The following NECAB2 variants were observed in gnomAD, a reference collection of about 807,000 sequenced individuals.
NECAB2 encodes N-terminal EF-hand calcium-binding protein 2.
A neutral mutation model predicts 51.9 loss-of-function variants in NECAB2; 68 were observed. The ratio of observed to expected loss-of-function variants is 1.31; its 90% CI spans 1.08 to 1.60. The LOEUF (loss-of-function observed/expected upper bound fraction) is 1.60. NECAB2 is among the 40% of genes most tolerant of loss of function. The pLI, the probability that NECAB2 is intolerant of heterozygous loss-of-function variation, is 0.00. For missense variants in NECAB2, 854 were observed against 490.3 expected (o/e 1.74, Z -7.00); for synonymous variants, 329 against 203.5 (o/e 1.62, Z -5.25).
At position 84,002,330 on chromosome 16, in the gene NECAB2, C is replaced by G. The variant is rs760068599; in HGVS notation, c.1145C>G (p.Thr382Arg). 10 of 1,613,824 alleles carry G rather than the reference C, an allele frequency of 6.2e-6. No homozygotes were observed. The highest frequency in any genetic ancestry group is 8.5e-6 in the Non-Finnish European group (10 of 1,179,906). ...TCTCTCCTTTTAGCTGCTTGGTGCA[C>G]GGTGGGACGGGACTGACAGCCTCCC... ...SRILVPAAWC[T>R]VGRD The change falls in exon 13 of 13, where the codon ACG becomes AGG. Residue 382 changes from threonine (T) to arginine (R), a missense_variant. By Grantham distance (71) the Thr-to-Arg change is moderately conservative (BLOSUM62 -1). Transcript: ENST00000305202.
At chr16:83,968,087 T>C (rs1279461919), upstream of NECAB2, among the ~76,000 whole-genome samples, 4 of 151,664 alleles carry the variant, frequency 2.6e-5, no homozygotes, top group Non-Finnish European at 4.4e-5. Flanking sequence ...TTCTGGGCGT[T>C]TTGTAACCAA....
intron 1 of NECAB2, 122 bp from the exon 2 acceptor site, chr16:83,972,029 C>T (rs1180879281): frequency 8.9e-6 from 12 of 1,350,770 alleles, no homozygotes; most frequent in Admixed American, 5.8e-5. Flanking sequence ...AAGGGGGGCT[C>T]AGCTTCCCAG....
chr16:83,985,439 C>T (rs895507402), intron 5 of NECAB2, among the ~76,000 whole-genome samples: 67 of 150,748 alleles, frequency 4.4e-4, no homozygotes, highest in African/African-American at 1.6e-3. Flanking sequence ...TCAAGACAAG[C>T]CTGGCCAACA....
Position 83,981,148 on chromosome 16 carries a change from C to T in NECAB2, c.459+21C>T, listed in dbSNP as rs777292636. 8 of 1,590,428 alleles carry T rather than the reference C, an allele frequency of 5.0e-6. No individual in the cohort carries two copies. In the South Asian group the frequency reaches 7.7e-5, roughly 15 times the overall value. On this transcript the variant is annotated intron_variant, in intron 5 of 12. Coordinates refer to ENST00000305202, the MANE Select transcript of NECAB2 (RefSeq NM_019065.3). ...AGAAGGTCAGTGGGTGTAGGTGGCC[C>T]CCGGGGTCCAGGGCTCCAGTGCTGC...
chr16:84,000,977 T>TG (rs2084819665), intron 11 of NECAB2, among the ~76,000 whole-genome samples, 176 bp downstream of exon 11: 1 of 129,518 alleles, frequency 7.7e-6, no homozygotes, highest in Non-Finnish European at 1.5e-5. Context: ...GCAGGAGCTC[T>TG]TGGTGGGTAG....
chr16:83,998,201 G>C lies in NECAB2; in HGVS notation c.850-4G>C. ...CCCACACTGACTCCTGCTGTGCCCG[G>C]CAGCACCTGCAGCTGGTCCGGCAGG... On this transcript the variant is annotated splice_region_variant and splice_polypyrimidine_tract_variant and intron_variant, in intron 9 of 12. Transcript: ENST00000305202. 5 of 1,607,436 alleles carry C rather than the reference G, an allele frequency of 3.1e-6. No homozygotes were observed. Among genetic ancestry groups the C allele is most frequent in the Admixed American group, 1.7e-5 (1 of 59,946 alleles).
intron 10 of NECAB2, among the ~76,000 whole-genome samples, chr16:84,000,242 C>G (rs563409218): frequency 6.6e-6 from 1 of 152,296 alleles, no homozygotes; most frequent in African/African-American, 2.4e-5. Context: ...TTTAACATGA[C>G]ATTTCAGCTG....
chr16:83,972,036 C>G, intron 1 of NECAB2, 115 bp from the exon 2 acceptor site: 1 of 1,440,210 alleles, frequency 6.9e-7, no homozygotes, highest in East Asian at 2.3e-5. Flanking sequence ...GCTCAGCTTC[C>G]CAGGACCCTA....
At chr16:83,974,457 C>T (rs1052676510) in intron 2 of NECAB2, among the ~76,000 whole-genome samples, 2 of 152,154 alleles carry the variant, frequency 1.3e-5, no homozygotes, top group South Asian at 2.1e-4. Context: ...GCAGGTGTGG[C>T]TTGTCCAGAG....
intron 2 of NECAB2, among the ~76,000 whole-genome samples, chr16:83,977,191 C>T (rs919985813): frequency 4.9e-4 from 75 of 152,194 alleles, no homozygotes; most frequent in African/African-American, 1.6e-3. Context: ...GAAGTAATGC[C>T]AGGGGTTTAT....
rs117324796 is a variant in NECAB2 at position 83,993,954 on chromosome 16, C to T, written c.597-348C>T. ...GGAGGGGGACTTGGTCACTCCACAG[C>T]TTGGGCTCTACACGTGCCCGAAAGC... On this transcript the variant is annotated intron_variant, in intron 6 of 12. Transcript: ENST00000305202. Among the ~76,000 whole-genome samples the T allele has an allele frequency of 5.3e-5, 8 of 152,260 alleles. No homozygotes were observed. The East Asian group carries it at 1.5e-3, about 29-fold the overall frequency.
chr16:83,977,677 T>A (rs956546161), intron 2 of NECAB2, among the ~76,000 whole-genome samples: 2 of 152,110 alleles, frequency 1.3e-5, no homozygotes, highest in Non-Finnish European at 2.9e-5. Context: ...TGGCACCTCC[T>A]TCCTGCATGG....
At chr16:83,989,213 G>C (rs889832061) in intron 5 of NECAB2, among the ~76,000 whole-genome samples, 1 of 152,134 alleles carries the variant, frequency 6.6e-6, no homozygotes, top group Non-Finnish European at 1.5e-5. Context: ...GTGTGGTTTT[G>C]GTCATTGCCA....
intron 12 of NECAB2, 27 bp downstream of exon 12, chr16:84,001,943 G>C: frequency 1.2e-6 from 2 of 1,606,424 alleles, no homozygotes; most frequent in African/African-American, 1.3e-5. Flanking sequence ...TGGAACTGCA[G>C]TGGCCACCTG....
chr16:83,996,824 C>T (rs1054983739), intron 8 of NECAB2, among the ~76,000 whole-genome samples: 1 of 152,098 alleles, frequency 6.6e-6, no homozygotes, highest in Admixed American at 6.5e-5. Context: ...TATTTGTAAA[C>T]CATCTAGCTT....
chr16:83,999,289 A>T (rs28704070), intron 10 of NECAB2, among the ~76,000 whole-genome samples: 1 of 151,872 alleles, frequency 6.6e-6, no homozygotes, highest in Non-Finnish European at 1.5e-5. Flanking sequence ...GACCCACTCC[A>T]CTCCAGGAGG....
In NECAB2 at chr16:83,998,358, AG is replaced by A. The variant is rs758810185; in HGVS notation, c.962+42del. ...AGGCGTGGGTGGGATGGTGGCAGGG[AG>A]CTCTGCCTGGCAGTGGAGGAACAGG... On this transcript the variant is annotated intron_variant, in intron 10 of 12. Transcript: ENST00000305202. 31 of 1,580,402 alleles carry A rather than the reference AG, an allele frequency of 2.0e-5. No individual in the cohort carries two copies. In the African/African-American group the frequency reaches 2.4e-4, roughly 12 times the overall value.
chr16:83,999,271 G>T (rs1002472988), intron 10 of NECAB2, among the ~76,000 whole-genome samples: 10 of 152,168 alleles, frequency 6.6e-5, no homozygotes, highest in Non-Finnish European at 1.5e-4. Flanking sequence ...GCCAGGATGG[G>T]GGGGCAGGAC....
intron 1 of NECAB2, among the ~76,000 whole-genome samples, chr16:83,970,723 G>T (rs2084338462): frequency 6.6e-6 from 1 of 152,154 alleles, no homozygotes; most frequent in Non-Finnish European, 1.5e-5. Flanking sequence ...CTGGGTCTCA[G>T]TACCCTCCTT....
Sources: allele counts gnomAD v4.1 joint callset (sites outside exome capture counted in the v4.1 genomes callset), GRCh38; gene constraint gnomAD v4.1.1; transcripts MANE v1.5; gene names NCBI Gene and HGNC (gene_info 2026-07-23, HGNC 2026-07-21).